LRRC38: variants seen among roughly 807,000 people sequenced by gnomAD.
LRRC38 encodes the protein leucine rich repeat containing 38, also known as leucine-rich repeat-containing protein 38.
Under a neutral mutation model 16.4 loss-of-function variants are expected in LRRC38, and 5 were observed. The ratio of observed to expected loss-of-function variants is 0.31; its 90% CI spans 0.16 to 0.64. The LOEUF is 0.64. LRRC38 is among the 30% of genes least tolerant of loss of function. The pLI, the probability that LRRC38 is intolerant of heterozygous loss-of-function variation, is 0.80. For synonymous variants in LRRC38, 191 were observed against 190.2 expected (o/e 1.00, Z -0.04); for missense variants, 341 against 401.8 (o/e 0.85, Z 1.29).
At chr1:13,481,687 G>A (rs528741040) in intron 1 of LRRC38, among the ~76,000 whole-genome samples, 18 of 152,126 alleles carry the variant, frequency 1.2e-4, no homozygotes, top group Non-Finnish European at 2.1e-4. Flanking sequence ...GAGTCACCGT[G>A]CCCGGCCAAT....
chr1:13,483,972 CGA>C (rs1199459636), intron 1 of LRRC38, among the ~76,000 whole-genome samples: 1 of 151,612 alleles, frequency 6.6e-6, no homozygotes, highest in Non-Finnish European at 1.5e-5. Flanking sequence ...GGAGAGGGAG[CGA>C]GTACGCATGT....
chr1:13,483,945 G>A (rs565080126), intron 1 of LRRC38, among the ~76,000 whole-genome samples: 4 of 150,818 alleles, frequency 2.7e-5, no homozygotes, highest in Admixed American at 6.6e-5. Flanking sequence ...GGGGAGGAGC[G>A]GGGAGGGGAG....
At chr1:13,497,426 G>A (rs889979033) in intron 1 of LRRC38, among the ~76,000 whole-genome samples, 1 of 152,072 alleles carries the variant, frequency 6.6e-6, no homozygotes, top group African/African-American at 2.4e-5. Flanking sequence ...AGCAAGCGTG[G>A]GAGCTTGTGG....
At chr1:13,493,414 T>C (rs543993847) in intron 1 of LRRC38, among the ~76,000 whole-genome samples, 2 of 152,284 alleles carry the variant, frequency 1.3e-5, no homozygotes, top group African/African-American at 4.8e-5. Flanking sequence ...GACCTTCTAC[T>C]GTCACAGGTG....
chr1:13,485,943 CT>C (rs1255501681), intron 1 of LRRC38, among the ~76,000 whole-genome samples: 1 of 152,074 alleles, frequency 6.6e-6, no homozygotes, highest in Non-Finnish European at 1.5e-5. Flanking sequence ...GTGGTTCTTT[CT>C]TTTTTTGAGA....
intron 1 of LRRC38, among the ~76,000 whole-genome samples, chr1:13,486,642 G>A (rs904903945): frequency 3.4e-5 from 5 of 147,680 alleles, no homozygotes; most frequent in Middle Eastern, 3.2e-3. Context: ...CCAGGCTGGA[G>A]TGCAGTGGCA....
At chr1:13,510,950 C>T (rs541409237) in intron 1 of LRRC38, among the ~76,000 whole-genome samples, 17 of 152,344 alleles carry the variant, frequency 1.1e-4, no homozygotes, top group African/African-American at 3.6e-4. Context: ...TCGGGCCACA[C>T]AGCATGGACA....
At chr1:13,498,216 C>T (rs530467619) in intron 1 of LRRC38, among the ~76,000 whole-genome samples, 6 of 149,604 alleles carry the variant, frequency 4.0e-5, no homozygotes, top group South Asian at 4.2e-4. Context: ...GAAGCAGAGA[C>T]GACCCCCAAC....
intron 1 of LRRC38, among the ~76,000 whole-genome samples, chr1:13,478,111 C>G (rs373034356): frequency 9.7e-4 from 148 of 152,200 alleles, no homozygotes; most frequent in African/African-American, 3.3e-3. Context: ...ACAATACGAG[C>G]TATGTGCAAA....
intron 1 of LRRC38, among the ~76,000 whole-genome samples, chr1:13,484,227 CT>C (rs1030724064): frequency 6.6e-6 from 1 of 152,170 alleles, no homozygotes; most frequent in African/African-American, 2.4e-5. Context: ...CAGTCACCTT[CT>C]CAAAGAGGCC....
At chr1:13,494,119 T>G in intron 1 of LRRC38, among the ~76,000 whole-genome samples, 1 of 152,170 alleles carries the variant, frequency 6.6e-6, no homozygotes, top group Non-Finnish European at 1.5e-5. Context: ...ATAACAGATT[T>G]GTGTCATTTT....
At chr1:13,481,762 C>CTTTCTCTCTCT (rs1557431814) in intron 1 of LRRC38, among the ~76,000 whole-genome samples, 1 of 50,810 alleles carries the variant, frequency 2.0e-5, no homozygotes, top group African/African-American at 2.9e-4. Flanking sequence ...ACTTTCTTTC[C>CTTTCTCTCTCT]CTCTCTCTCC....
intron 1 of LRRC38, among the ~76,000 whole-genome samples, chr1:13,504,083 C>T (rs932342023): frequency 5.9e-5 from 9 of 152,220 alleles, no homozygotes; most frequent in Admixed American, 1.3e-4. Flanking sequence ...TATCTGTATA[C>T]GTATCTGGTC....
rs547755056 is a variant in LRRC38 at position 13,475,346 on chromosome 1, T to G, written c.*500A>C. 33 of 156,778 alleles carry G rather than the reference T, an allele frequency of 2.1e-4. No homozygotes were observed. Among genetic ancestry groups the G allele is most frequent in the Non-Finnish European group, 3.7e-4 (26 of 70,448 alleles). 9.7% of individuals were successfully genotyped at this position (156,778 alleles called of 1,614,324 possible). A position where few individuals can be genotyped will look rare whatever the true frequency, so the allele number is the denominator to read the frequency against. On this transcript the variant is annotated 3_prime_UTR_variant, in exon 2 of 2. Transcript: ENST00000376085. This position sits in a 1 kb window ranked among gnomAD's most constrained non-coding sequence, Gnocchi z 4.3. Reference sequence around the variant, plus strand: ...TCCCAGTATAACATCCCAAGGTTGCTGAGGCCTATTATATAAGGATCAAAG... The same window carrying G: ...TCCCAGTATAACATCCCAAGGTTGCGGAGGCCTATTATATAAGGATCAAAG...
chr1:13,499,106 T>G (rs1157617342), intron 1 of LRRC38, among the ~76,000 whole-genome samples: 3 of 152,162 alleles, frequency 2.0e-5, no homozygotes. Flanking sequence ...TTTTTTTGTT[T>G]GTTTTTTTGA....
At chr1:13,479,203 A>G (rs965226066) in intron 1 of LRRC38, among the ~76,000 whole-genome samples, 5 of 152,168 alleles carry the variant, frequency 3.3e-5, no homozygotes, top group Admixed American at 6.5e-5. Flanking sequence ...AAAAATGGAA[A>G]AACATCAATC....
At chr1:13,506,054 A>G (rs1639209281) in intron 1 of LRRC38, among the ~76,000 whole-genome samples, 1 of 151,800 alleles carries the variant, frequency 6.6e-6, no homozygotes, top group African/African-American at 2.4e-5. Flanking sequence ...AACAAGACAC[A>G]TGTTGCCTCC....
At chr1:13,482,674 T>C (rs545534517) in intron 1 of LRRC38, among the ~76,000 whole-genome samples, 1 of 150,922 alleles carries the variant, frequency 6.6e-6, no homozygotes, top group South Asian at 2.1e-4. Context: ...AGCAGGACAG[T>C]GGAAGGATGG....
At chr1:13,476,877 G>A (rs541115900) in intron 1 of LRRC38, among the ~76,000 whole-genome samples, 57 of 152,154 alleles carry the variant, frequency 3.7e-4, no homozygotes, top group Non-Finnish European at 4.3e-4. Flanking sequence ...TGAAAAGAGG[G>A]TTAGCATGGT....
Sources: allele counts gnomAD v4.1 joint callset (sites outside exome capture counted in the v4.1 genomes callset), GRCh38; gene constraint gnomAD v4.1.1; non-coding constraint Gnocchi (gnomAD v3.1); transcripts MANE v1.5; gene names NCBI Gene and HGNC (gene_info 2026-07-23, HGNC 2026-07-21).